Variants in SENP6 observed in about 807,000 individuals in gnomAD.
SENP6 encodes the protein SUMO specific peptidase 6.
Under a neutral mutation model 134.5 loss-of-function variants are expected in SENP6, and 41 were observed. That is an observed-to-expected ratio of 0.30 (90% confidence interval 0.24 to 0.40). The LOEUF (loss-of-function observed/expected upper bound fraction) is 0.40. SENP6 is among the 10% of genes least tolerant of loss of function. The pLI, the probability that SENP6 is intolerant of heterozygous loss-of-function variation, is 1.00. For synonymous variants in SENP6, 395 were observed against 429.8 expected, an observed-to-expected ratio of 0.92 and a Z score of 1.00; for missense variants, 1,248 against 1,312.5, an observed-to-expected ratio of 0.95 and a Z score of 0.76.
intron 3 of SENP6, among the ~76,000 whole-genome samples, chr6:75,624,643 A>G (rs890594044): frequency 2.0e-5 from 3 of 152,198 alleles, no homozygotes; most frequent in Non-Finnish European, 4.4e-5. Context: ...ACATCATTTC[A>G]TATGTATAGT....
chr6:75,701,062 T>G (rs1486412428), intron 18 of SENP6, among the ~76,000 whole-genome samples: 1 of 152,210 alleles, frequency 6.6e-6, no homozygotes, highest in Non-Finnish European at 1.5e-5. Flanking sequence ...GATGAAGAGA[T>G]AGATAGTGCT....
At chr6:75,657,754 A>G (rs1222529021) in intron 7 of SENP6, among the ~76,000 whole-genome samples, 1 of 152,032 alleles carries the variant, frequency 6.6e-6, no homozygotes, top group Non-Finnish European at 1.5e-5. Context: ...AGCTGTGAAA[A>G]CTCTAGGGAT....
chr6:75,654,348 A>G (rs1771151757), intron 7 of SENP6, among the ~76,000 whole-genome samples: 1 of 152,250 alleles, frequency 6.6e-6, no homozygotes, highest in African/African-American at 2.4e-5. Context: ...CAAAGGCACA[A>G]CAGGTGAAAG....
intron 11 of SENP6, among the ~76,000 whole-genome samples, chr6:75,672,923 G>A (rs1023589416): frequency 6.6e-6 from 1 of 152,132 alleles, no homozygotes; most frequent in Non-Finnish European, 1.5e-5. Flanking sequence ...CGCCTCCTGG[G>A]TTCATGCCAT....
At chr6:75,640,835 G>T (rs878982960) in intron 6 of SENP6, 131 bp downstream of exon 6, 8 of 486,852 alleles carry the variant, frequency 1.6e-5, no homozygotes, top group Non-Finnish European at 2.8e-5. Context: ...AGTTTTAGTT[G>T]ACATGTAATA....
At chr6:75,605,853 CAAT>C (rs1247079250) in intron 1 of SENP6, among the ~76,000 whole-genome samples, 6 of 152,018 alleles carry the variant, frequency 3.9e-5, no homozygotes, top group Admixed American at 1.3e-4. Context: ...AAAAGCAAGA[CAAT>C]AAATTAGGAT....
At chr6:75,659,046 G>GTTACC (rs1356987475) in intron 7 of SENP6, among the ~76,000 whole-genome samples, 1 of 146,018 alleles carries the variant, frequency 6.8e-6, no homozygotes, top group Non-Finnish European at 1.5e-5. Flanking sequence ...AAGGGCTTCT[G>GTTACC]TTACCTTAGT....
At chr6:75,702,304 G>T (rs1775090094) in intron 18 of SENP6, among the ~76,000 whole-genome samples, 1 of 148,180 alleles carries the variant, frequency 6.7e-6, no homozygotes, top group Non-Finnish European at 1.5e-5. Flanking sequence ...TGCAACCTCT[G>T]CCTCTTGGGT....
rs9250 is a variant in SENP6, at chr6:75,715,572, A to G, written c.3317A>G (p.Tyr1106Cys). The stretch of plus-strand genomic sequence containing the variant: ...CCTTTAGGCGAAGGAACAGAACAAT[A>G]TGTCAATAGTATCTCAGATTGACCA... ...EAPLGEGTEQ[Y>C]VNSISD Residue 1106 changes from tyrosine (Y) to cysteine (C), a missense_variant, in exon 24 of 24, where the codon TAT becomes TGT. Around this residue, in one of 3 missense-constraint regions of SENP6, gnomAD observed 386 missense variants for 395.0 expected, o/e 0.98. Transcript: ENST00000447266. 0.32 allele frequency: 521,311 copies of G among 1,609,086 alleles called. 92,134 individuals are homozygous for G. Among genetic ancestry groups the G allele is most frequent in the Non-Finnish European group, 0.37 (434,239 of 1,176,186 alleles).
intron 16 of SENP6, among the ~76,000 whole-genome samples, chr6:75,692,477 A>G (rs1291710375): frequency 6.6e-6 from 1 of 151,592 alleles, no homozygotes; most frequent in East Asian, 1.9e-4. Context: ...CAAAAAAAAA[A>G]TTAGTTGGGC....
rs1002474940 is a variant in SENP6, at chr6:75,716,629, T to C, written c.*1035T>C. The C allele has an allele frequency of 8.6e-5, 13 of 151,996 alleles. No homozygotes were observed. The highest frequency in any genetic ancestry group is 2.7e-4 in the African/African-American group (11 of 41,460). The allele number at this position is 151,996 out of a possible 1,614,324, so 9.4% of individuals were successfully genotyped here. ...AAAATCTTTGAATTCCCCTTTAAAATAACTAAAATTTGATGGTTTCCATGA... is the reference window on the plus strand; with the variant it reads ...AAAATCTTTGAATTCCCCTTTAAAACAACTAAAATTTGATGGTTTCCATGA... On this transcript the variant is annotated 3_prime_UTR_variant, in exon 24 of 24. Transcript: ENST00000447266.
intron 19 of SENP6, among the ~76,000 whole-genome samples, chr6:75,704,209 A>G (rs1297275794): frequency 1.3e-5 from 2 of 152,302 alleles, no homozygotes; most frequent in African/African-American, 4.8e-5. Context: ...GGCACTCAGC[A>G]TATCAAGGAC....
chr6:75,639,804 T>C (rs938076691), intron 5 of SENP6, among the ~76,000 whole-genome samples: 13 of 152,252 alleles, frequency 8.5e-5, no homozygotes, highest in East Asian at 5.8e-4. Context: ...TCTAAGACTT[T>C]TGTGCAAAAA....
At chr6:75,641,023 A>G (rs1227587031) in intron 6 of SENP6, among the ~76,000 whole-genome samples, 1 of 152,146 alleles carries the variant, frequency 6.6e-6, no homozygotes, top group Non-Finnish European at 1.5e-5. Context: ...ATAGTTAACC[A>G]TATTCACCCT....
intron 16 of SENP6, among the ~76,000 whole-genome samples, chr6:75,683,980 CTTTGGGCAGTATGGCCATTTTCATGAT>C (rs1022009434): frequency 1.4e-4 from 21 of 152,250 alleles, no homozygotes; most frequent in African/African-American, 4.8e-4. Flanking sequence ...CTATACATTA[CTTTGGGCAGTATGGCCATTTTCATGAT>C]ATTGATTCTT....
At chr6:75,604,970 G>T (rs1766922951) in intron 1 of SENP6, among the ~76,000 whole-genome samples, 1 of 152,150 alleles carries the variant, frequency 6.6e-6, no homozygotes, top group South Asian at 2.1e-4. Context: ...CTACTCGGGA[G>T]GCTGAGGCAG....
chr6:75,676,625 T>C (rs1373453723), intron 13 of SENP6: 1 of 157,828 alleles, frequency 6.3e-6, no homozygotes, highest in African/African-American at 2.4e-5. Flanking sequence ...GTTGGCACAT[T>C]AGTGAAAAGC....
chr6:75,646,122 A>C (rs1015874087), intron 6 of SENP6, among the ~76,000 whole-genome samples: 5 of 152,198 alleles, frequency 3.3e-5, no homozygotes, highest in African/African-American at 1.2e-4. Flanking sequence ...AAATAAGACT[A>C]TATTATATTC....
intron 11 of SENP6, among the ~76,000 whole-genome samples, chr6:75,673,726 T>G (rs144467550): frequency 6.6e-6 from 1 of 152,226 alleles, no homozygotes; most frequent in East Asian, 1.9e-4. Context: ...TGCAACAATT[T>G]TATTTAAATG....
Sources: allele counts gnomAD v4.1 joint callset (sites outside exome capture counted in the v4.1 genomes callset), GRCh38; gene constraint gnomAD v4.1.1; regional missense constraint gnomAD v4.1.1; transcripts MANE v1.5; gene names NCBI Gene and HGNC (gene_info 2026-07-23, HGNC 2026-07-21).